The following POLR3E variants were observed in gnomAD, a reference collection of about 807,000 sequenced individuals.
POLR3E encodes the protein RNA polymerase III subunit E.
POLR3E carries 41 observed loss-of-function variants against 96.6 expected under a neutral mutation model. The observed-to-expected ratio is 0.42, with a 90% confidence interval of 0.33 to 0.55. POLR3E has a LOEUF of 0.55. Among genes scored for constraint, POLR3E ranks in the 20% least tolerant of loss-of-function variants. POLR3E has a pLI of 0.06. For synonymous variants in POLR3E, 396 were observed against 383.6 expected (o/e 1.03, Z -0.38); for missense variants, 849 against 952.1 (o/e 0.89, Z 1.43).
intron 20 of POLR3E, 135 bp downstream of exon 20, chr16:22,332,320 G>A: frequency 1.3e-6 from 1 of 747,384 alleles, no homozygotes; most frequent in Non-Finnish European, 2.1e-6. Context: ...GTCTTGTCTT[G>A]AGCAACTGTT....
intron 3 of POLR3E, among the ~76,000 whole-genome samples, chr16:22,305,692 G>C (rs1434452968): frequency 6.6e-6 from 1 of 152,144 alleles, no homozygotes; most frequent in Non-Finnish European, 1.5e-5. Context: ...CCATGGCAGC[G>C]TCTGTGAGCC....
chr16:22,298,274 A>G (rs1282835394), intron 1 of POLR3E, among the ~76,000 whole-genome samples: 2 of 152,086 alleles, frequency 1.3e-5, no homozygotes, highest in Non-Finnish European at 2.9e-5. Flanking sequence ...AGAAATTCCT[A>G]CCTCATAGGG....
chr16:22,332,034 A>G lies in POLR3E; in HGVS notation c.1945-26A>G, dbSNP rs753433623. 7 of 1,610,546 alleles carry G rather than the reference A, an allele frequency of 4.3e-6. No homozygotes were observed. In the East Asian group the frequency reaches 1.1e-4, roughly 26 times the overall value. ...TTCTCTTTTTAGATCACTGTTTCCC[A>G]TCATAACGTGTTTTTGCTACTAAAG... On this transcript the variant is annotated intron_variant, in intron 19 of 20. Transcript: ENST00000299853.
At chr16:22,319,185 G>C (rs983916131) in intron 13 of POLR3E, among the ~76,000 whole-genome samples, 4 of 151,386 alleles carry the variant, frequency 2.6e-5, no homozygotes, top group African/African-American at 9.7e-5. Flanking sequence ...TGTTGGCCAG[G>C]CTGGTCTCGA....
chr16:22,332,442 CTT>C (rs2048760895), intron 20 of POLR3E, among the ~76,000 whole-genome samples: 1 of 152,174 alleles, frequency 6.6e-6, no homozygotes, highest in African/African-American at 2.4e-5. Context: ...GCCATGGATG[CTT>C]TGTTTCTCTT....
chr16:22,324,727 G>A (rs1381860062), intron 16 of POLR3E, 67 bp downstream of exon 16: 31 of 1,534,716 alleles, frequency 2.0e-5, no homozygotes, highest in Non-Finnish European at 2.6e-5. Context: ...GGGGAGCACT[G>A]TCAGGGTGGA....
intron 16 of POLR3E, among the ~76,000 whole-genome samples, chr16:22,324,966 A>G (rs1042967114): frequency 1.3e-5 from 2 of 151,916 alleles, no homozygotes; most frequent in Non-Finnish European, 2.9e-5. Flanking sequence ...GAGAGGGAGC[A>G]CTCAGGAGCA....
chr16:22,314,697 G>A (rs76779070), intron 8 of POLR3E, among the ~76,000 whole-genome samples: 2,621 of 152,266 alleles, frequency 0.017, 97 homozygotes, highest in East Asian at 0.1. Flanking sequence ...GAACACGGGC[G>A]TAATGGACAT....
chr16:22,324,691 C>G lies in POLR3E; in HGVS notation c.1286+31C>G, dbSNP rs368256239. 248 of 1,611,212 alleles carry G rather than the reference C, an allele frequency of 1.5e-4. 1 individual carries two copies. The highest frequency in any genetic ancestry group is 1.6e-4 in the Non-Finnish European group (188 of 1,177,766). On this transcript the variant is annotated intron_variant, in intron 16 of 20. Transcript: ENST00000299853. ...CACCCTGGGCCAGGGAGGGGCAGCCCGGTGATCCCAGCAACCCTGCATCCT... is the reference window on the plus strand; with the variant it reads ...CACCCTGGGCCAGGGAGGGGCAGCCGGGTGATCCCAGCAACCCTGCATCCT...
At chr16:22,309,343 T>C in intron 5 of POLR3E, 85 bp from the exon 6 acceptor site, 1 of 1,035,034 alleles carries the variant, frequency 9.7e-7, no homozygotes, top group Non-Finnish European at 1.5e-6. Context: ...CTTCAGAAAG[T>C]GTCTAGGGGG....
intron 19 of POLR3E, chr16:22,331,859 T>G: frequency 1.9e-6 from 1 of 521,242 alleles, no homozygotes; most frequent in South Asian, 2.3e-5. Context: ...TTAATGCCTT[T>G]ACTTTTGTGT....
At chr16:22,330,831 T>C (rs1053140157) in intron 19 of POLR3E, among the ~76,000 whole-genome samples, 4 of 151,926 alleles carry the variant, frequency 2.6e-5, no homozygotes, top group Admixed American at 6.6e-5. Context: ...AAAAGGAGAA[T>C]CAAATCCATC....
At chr16:22,300,638 G>A (rs1057073324) in intron 1 of POLR3E, among the ~76,000 whole-genome samples, 3 of 152,048 alleles carry the variant, frequency 2.0e-5, no homozygotes, top group Admixed American at 2.0e-4. Flanking sequence ...TGGGCTCTCC[G>A]CTCTACACTG....
chr16:22,319,688 T>C (rs1375234541), intron 13 of POLR3E, among the ~76,000 whole-genome samples: 1 of 152,196 alleles, frequency 6.6e-6, no homozygotes, highest in African/African-American at 2.4e-5. Context: ...TGTGAGCCAC[T>C]GTGCCTGGCC....
chr16:22,325,778 T>C lies in POLR3E; in HGVS notation c.1366T>C (p.Cys456Arg), dbSNP rs1433631114. 1.3e-6 allele frequency: 2 copies of C among 1,580,352 alleles called. No homozygotes were observed. Among genetic ancestry groups the C allele is most frequent in the South Asian group, 1.2e-5 (1 of 84,560 alleles). The change falls in exon 18 of 21, where the codon TGT becomes CGT. Residue 456 changes from cysteine (C) to arginine (R), a missense_variant. Cys to Arg is a radical substitution (Grantham distance 180). Transcript: ENST00000299853. ...CCCCGCAGGGCCTGCCGGGCTGGTC[T>C]GTGGGGACCAGCGGATCCAAGTAGC... ...DAQSGPAGLVCGDQRIQVAKT... is the reference protein window; with the variant it reads ...DAQSGPAGLVRGDQRIQVAKT...
chr16:22,301,452 A>G (rs2048017996), intron 1 of POLR3E, among the ~76,000 whole-genome samples: 1 of 152,312 alleles, frequency 6.6e-6, no homozygotes, highest in East Asian at 1.9e-4. Flanking sequence ...CGGATGGTGC[A>G]TGCCAATTAT....
rs1197174548 is a variant in POLR3E, at chr16:22,328,653, TGGG to T, written c.1944+69_1944+71del. ...GGGTTTCCTGCAGCGTTGGAGGCCT[TGGG>T]GGACATGTGCACCCAAAGTGCAGCC... is the stretch of plus-strand genomic sequence containing the variant. On this transcript the variant is annotated intron_variant, in intron 19 of 20. Transcript: ENST00000299853. The T allele has an allele frequency of 3.0e-6, 4 of 1,318,370 alleles. 1 individual carries two copies. In the South Asian group the frequency reaches 3.5e-5, roughly 12 times the overall value. 81.7% of individuals were successfully genotyped at this position (1,318,370 alleles called of 1,614,324 possible). A position where few individuals can be genotyped will look rare whatever the true frequency, so the allele number is the denominator to read the frequency against.
At chr16:22,312,873 C>CAAAAAAAAAAAAAAAAAAAAAAAAA (rs1167609047) in intron 6 of POLR3E, among the ~76,000 whole-genome samples, 1 of 30,408 alleles carries the variant, frequency 3.3e-5, no homozygotes. Context: ...CACTCCATCT[C>CAAAAAAAAAAAAAAAAAAAAAAAAA]AAAAAAAAAA....
At chr16:22,329,240 C>A (rs781040462) in intron 19 of POLR3E, 2 of 152,264 alleles carry the variant, frequency 1.3e-5, no homozygotes, top group Non-Finnish European at 2.9e-5. Flanking sequence ...CGGCCTCTGG[C>A]AGCAGGAATC....
Sources: allele counts gnomAD v4.1 joint callset (sites outside exome capture counted in the v4.1 genomes callset), GRCh38; gene constraint gnomAD v4.1.1; transcripts MANE v1.5; gene names NCBI Gene and HGNC (gene_info 2026-07-23, HGNC 2026-07-21).